The following HCRTR2 variants were observed in gnomAD, a reference collection of about 807,000 sequenced individuals.
The protein encoded by HCRTR2 is orexin receptor type 2.
HCRTR2 carries 22 observed loss-of-function variants against 49.0 expected under a neutral mutation model. That is an observed-to-expected ratio of 0.45 (90% CI 0.32 to 0.64). HCRTR2 has a LOEUF of 0.64. Ranked by LOEUF, HCRTR2 falls within the 30% of genes least tolerant of loss-of-function variation. The pLI is 0.04. For missense variants in HCRTR2, 491 were observed against 559.4 expected (o/e 0.88, Z 1.23); for synonymous variants, 236 against 205.3 (o/e 1.15, Z -1.28).
chr6:55,183,694 G>A (rs2127274382), intron 1 of HCRTR2, among the ~76,000 whole-genome samples: 1 of 152,220 alleles, frequency 6.6e-6, no homozygotes, highest in East Asian at 1.9e-4. Flanking sequence ...CAATAAGCTT[G>A]TTTTAATGAA....
intron 1 of HCRTR2, among the ~76,000 whole-genome samples, chr6:55,244,884 A>G (rs1162337928): frequency 6.6e-6 from 1 of 151,996 alleles, no homozygotes; most frequent in African/African-American, 2.4e-5. Flanking sequence ...CATATGGCTA[A>G]TCCAATTTTC....
intron 4 of HCRTR2, among the ~76,000 whole-genome samples, chr6:55,271,670 T>C (rs78847478): frequency 0.027 from 4,136 of 152,180 alleles, 206 homozygotes; most frequent in African/African-American, 0.092. Context: ...TACAAAGAAC[T>C]CTTATGAATT....
downstream of HCRTR2, among the ~76,000 whole-genome samples, chr6:55,284,108 A>G (rs1361849667): frequency 6.6e-6 from 1 of 152,184 alleles, no homozygotes; most frequent in African/African-American, 2.4e-5. Context: ...AAGTTTGAGG[A>G]TAACTTCAAA....
At chr6:55,135,253 CTT>C (rs1260816933) in intron 1 of HCRTR2, among the ~76,000 whole-genome samples, 1 of 152,024 alleles carries the variant, frequency 6.6e-6, no homozygotes, top group Non-Finnish European at 1.5e-5. Context: ...CAGCAAAACA[CTT>C]AGACTTTTGT....
At chr6:55,218,139 A>T (rs1212367015) in intron 1 of HCRTR2, among the ~76,000 whole-genome samples, 1 of 152,244 alleles carries the variant, frequency 6.6e-6, no homozygotes, top group Non-Finnish European at 1.5e-5. Flanking sequence ...TATTCCTGTG[A>T]TAAGCCATTA....
intron 2 of HCRTR2, among the ~76,000 whole-genome samples, 187 bp downstream of exon 2, chr6:55,249,004 A>C (rs1299362458): frequency 6.6e-6 from 1 of 152,140 alleles, no homozygotes; most frequent in Non-Finnish European, 1.5e-5. Context: ...TAAGCAATGA[A>C]CTGCCAAATC....
intron 1 of HCRTR2, among the ~76,000 whole-genome samples, chr6:55,130,065 A>G (rs1295449067): frequency 6.6e-6 from 1 of 151,968 alleles, no homozygotes; most frequent in Non-Finnish European, 1.5e-5. Context: ...ACTGAGATAG[A>G]CTTCCTCAGG....
chr6:55,127,275 G>T (rs1581785664), intron 1 of HCRTR2, among the ~76,000 whole-genome samples: 2 of 152,106 alleles, frequency 1.3e-5, no homozygotes, highest in African/African-American at 4.8e-5. Context: ...GGGCTGGAGT[G>T]TGCTTGGTTC....
intron 1 of HCRTR2, among the ~76,000 whole-genome samples, chr6:55,235,515 A>G (rs1036128618): frequency 6.6e-6 from 1 of 152,102 alleles, no homozygotes; most frequent in Non-Finnish European, 1.5e-5. Context: ...TAATTTTTCA[A>G]ACATGTCCTT....
rs34710192 is a variant in HCRTR2 at position 55,200,235 on chromosome 6, TTGTGTGTGTG to T, written c.223+25459_223+25468del. Among the ~76,000 whole-genome samples, 500 of 135,380 alleles carry T rather than the reference TTGTGTGTGTG, an allele frequency of 3.7e-3. 3 individuals are homozygous for T. Among genetic ancestry groups the T allele is most frequent in the Middle Eastern group, 0.011 (3 of 266 alleles). 88.8% of individuals were successfully genotyped at this position (135,380 alleles called of 152,430 possible). A position where few individuals can be genotyped will look rare whatever the true frequency, so the allele number is the denominator to read the frequency against. On this transcript the variant is annotated intron_variant, in intron 1 of 6. Coordinates refer to ENST00000370862, the MANE Select transcript of HCRTR2 (RefSeq NM_001384272.1). The stretch of plus-strand genomic sequence containing the variant: ...TATGTTTTTGTACTTGTTTGCTGTC[TTGTGTGTGTG>T]TGTGTGTGTGTGTGTGTGTGTGTGT...
chr6:55,260,836 A>G (rs1249351789), intron 3 of HCRTR2, among the ~76,000 whole-genome samples: 1 of 152,216 alleles, frequency 6.6e-6, no homozygotes, highest in Non-Finnish European at 1.5e-5. Context: ...GACAATCATC[A>G]TGCTTATTAT....
intron 1 of HCRTR2, among the ~76,000 whole-genome samples, chr6:55,136,044 A>T (rs1764429445): frequency 6.6e-6 from 1 of 152,196 alleles, no homozygotes; most frequent in Non-Finnish European, 1.5e-5. Context: ...ATATCTAATT[A>T]GTGCCTAGAA....
At chr6:55,172,351 C>G (rs925804969), upstream of HCRTR2, among the ~76,000 whole-genome samples, 3 of 151,996 alleles carry the variant, frequency 2.0e-5, no homozygotes, top group African/African-American at 7.3e-5. Flanking sequence ...TCTATCCCTT[C>G]CTAACGTTTT....
intron 1 of HCRTR2, among the ~76,000 whole-genome samples, chr6:55,123,673 A>G (rs968567729): frequency 6.6e-6 from 1 of 151,978 alleles, no homozygotes; most frequent in Non-Finnish European, 1.5e-5. Context: ...TGCTTTTTCT[A>G]TTGTTTGGAA....
At chr6:55,271,529 A>G (rs1581870050) in intron 4 of HCRTR2, among the ~76,000 whole-genome samples, 1 of 152,294 alleles carries the variant, frequency 6.6e-6, no homozygotes, top group Non-Finnish European at 1.5e-5. Context: ...CAATGTAGAT[A>G]CATTAGACAT....
intron 1 of HCRTR2, among the ~76,000 whole-genome samples, chr6:55,191,673 G>A (rs891461125): frequency 1.3e-5 from 2 of 152,006 alleles, no homozygotes; most frequent in Non-Finnish European, 2.9e-5. Flanking sequence ...AAAAACTTCA[G>A]CAACAATATT....
intron 1 of HCRTR2, among the ~76,000 whole-genome samples, chr6:55,195,222 T>C (rs923660936): frequency 1.3e-5 from 2 of 151,974 alleles, no homozygotes; most frequent in African/African-American, 2.4e-5. Context: ...AATATCACAA[T>C]AGGAAACACC....
chr6:55,226,063 C>A (rs1235995530), intron 1 of HCRTR2, among the ~76,000 whole-genome samples: 2 of 152,188 alleles, frequency 1.3e-5, no homozygotes, highest in Non-Finnish European at 2.9e-5. Context: ...TCAGAAACAT[C>A]CAATTGCAGC....
At chr6:55,123,657 G>C (rs1346849802) in intron 1 of HCRTR2, among the ~76,000 whole-genome samples, 7 of 152,090 alleles carry the variant, frequency 4.6e-5, no homozygotes. Context: ...AATTAGGGAG[G>C]ATTCCTGCTT....
Sources: allele counts gnomAD v4.1 joint callset (sites outside exome capture counted in the v4.1 genomes callset), GRCh38; gene constraint gnomAD v4.1.1; transcripts MANE v1.5; gene names NCBI Gene and HGNC (gene_info 2026-07-23, HGNC 2026-07-21).